TRPC3: variants seen among roughly 807,000 people sequenced by gnomAD.
TRPC3 encodes short transient receptor potential channel 3.
In TRPC3, 54 loss-of-function variants were observed where a neutral mutation model predicts 90.9. The observed-to-expected ratio is 0.59, with a 90% CI of 0.48 to 0.75. TRPC3 has a LOEUF of 0.75. TRPC3 is among the 30% of genes least tolerant of loss of function. TRPC3 has a pLI of 0.00. For missense variants in TRPC3, 918 were observed against 1,194.5 expected, an observed-to-expected ratio of 0.77 and a Z score of 3.41; for synonymous variants, 424 against 450.9, an observed-to-expected ratio of 0.94 and a Z score of 0.75.
intron 7 of TRPC3, among the ~76,000 whole-genome samples, chr4:121,905,456 C>A (rs1390264554): frequency 6.6e-6 from 1 of 152,104 alleles, no homozygotes; most frequent in Admixed American, 6.6e-5. Flanking sequence ...ATTCTTCCAC[C>A]ACAACAATTA....
intron 1 of TRPC3, among the ~76,000 whole-genome samples, chr4:121,938,019 T>TA (rs539296935): frequency 1.3e-3 from 181 of 141,874 alleles, no homozygotes; most frequent in East Asian, 2.0e-3. Flanking sequence ...TGAATTTATT[T>TA]AAAAAAAAAA....
chr4:121,916,340 C>T (rs2149129252), intron 3 of TRPC3, among the ~76,000 whole-genome samples: 1 of 152,310 alleles, frequency 6.6e-6, no homozygotes, highest in African/African-American at 2.4e-5. Context: ...AGTGTAAAGT[C>T]CACTGATGGC....
chr4:121,921,475 T>C (rs1729504658), intron 3 of TRPC3, among the ~76,000 whole-genome samples: 1 of 129,548 alleles, frequency 7.7e-6, no homozygotes, highest in Non-Finnish European at 1.5e-5. Context: ...TGAGCCGAGA[T>C]CGCGCCACTG....
Position 121,932,533 on chromosome 4 carries a change from T to C in TRPC3, c.725A>G (p.His242Arg). The change falls in exon 2 of 12, where the codon CAC becomes CGC. Residue 242 changes from histidine (H) to arginine (R), a missense_variant. His to Arg is a conservative substitution (Grantham distance 29, BLOSUM62 0). This residue lies in a region of TRPC3 where 609 missense variants were observed against 725.9 expected (regional missense o/e 0.84). Coordinates refer to ENST00000379645, the MANE Select transcript of TRPC3 (RefSeq NM_001130698.2). This position sits in a 1 kb window ranked among gnomAD's most constrained non-coding sequence, Gnocchi z 7.7. Reference protein sequence around the residue: ...PDITPIILAAHCQKYEVVHML... With the variant: ...PDITPIILAARCQKYEVVHML... ...GTGCACCACTTCGTATTTCTGGCAG[T>C]GCGCCGCCAGGATGATGGGGGTGAT... 1 of 1,614,194 alleles carries C rather than the reference T, an allele frequency of 6.2e-7. No homozygotes were observed. Among genetic ancestry groups the C allele is most frequent in the Middle Eastern group, 1.6e-4 (1 of 6,062 alleles).
rs1427644386 is a variant in TRPC3, at chr4:121,877,069, C to T, written c.*2667G>A. The stretch of plus-strand genomic sequence containing the variant: ...TTGAGGTTTGTTTTCCCAAAGGTAC[C>T]TGTTAAAAGTGACTAGGGAAAAGAC... On this transcript the variant is annotated 3_prime_UTR_variant, in exon 12 of 12. Transcript: ENST00000379645. 1.3e-5 allele frequency among the ~76,000 whole-genome samples: 2 copies of T among 152,070 alleles called. No homozygotes were observed. The highest frequency in any genetic ancestry group is 2.9e-5 in the Non-Finnish European group (2 of 67,992).
At chr4:121,931,343 T>C (rs1420795885) in intron 2 of TRPC3, among the ~76,000 whole-genome samples, 1 of 152,158 alleles carries the variant, frequency 6.6e-6, no homozygotes, top group Non-Finnish European at 1.5e-5. Flanking sequence ...TCTTTTTAGA[T>C]GGGAAATGGG....
At chr4:121,890,876 A>G (rs1415360691) in intron 10 of TRPC3, among the ~76,000 whole-genome samples, 1 of 152,112 alleles carries the variant, frequency 6.6e-6, no homozygotes, top group East Asian at 1.9e-4. Context: ...CTGTAGTCCC[A>G]GCTACTTGGG....
chr4:121,949,008 C>T (rs1730592002), intron 1 of TRPC3, among the ~76,000 whole-genome samples: 1 of 152,140 alleles, frequency 6.6e-6, no homozygotes, highest in African/African-American at 2.4e-5. Flanking sequence ...ATCTTTGTGG[C>T]TTGCAGTACC....
At chr4:121,947,183 CAA>C (rs11457162) in intron 1 of TRPC3, among the ~76,000 whole-genome samples, 6 of 92,026 alleles carry the variant, frequency 6.5e-5, no homozygotes, top group Admixed American at 5.0e-4. Context: ...GACTCTGTCT[CAA>C]AAAAAAAAAA....
At chr4:121,923,978 A>ATTG (rs1729616246) in intron 3 of TRPC3, among the ~76,000 whole-genome samples, 1 of 140,828 alleles carries the variant, frequency 7.1e-6, no homozygotes, top group African/African-American at 3.3e-5. Flanking sequence ...ATTGTGAAAC[A>ATTG]TAACTACAAT....
At chr4:121,921,465 T>A (rs1578636586) in intron 3 of TRPC3, among the ~76,000 whole-genome samples, 1 of 131,282 alleles carries the variant, frequency 7.6e-6, no homozygotes. Flanking sequence ...GAGCTTGCAG[T>A]GAGCCGAGAT....
intron 1 of TRPC3, among the ~76,000 whole-genome samples, chr4:121,942,503 A>C (rs1730353850): frequency 1.3e-5 from 2 of 152,236 alleles, no homozygotes; most frequent in African/African-American, 2.4e-5. Context: ...TGGGAGTTGG[A>C]AGTTGCAGTG....
chr4:121,920,519 A>G lies in TRPC3; in HGVS notation c.1176+4499T>C, dbSNP rs117055963. ...AGCCTGGGAGACAGAGTGAGACTCCATTTCAAAAAAAAGAAAAAAAAACAG... is the reference window on the plus strand; with the variant it reads ...AGCCTGGGAGACAGAGTGAGACTCCGTTTCAAAAAAAAGAAAAAAAAACAG... On this transcript the variant is annotated intron_variant, in intron 3 of 11. Coordinates refer to ENST00000379645, the MANE Select transcript of TRPC3 (RefSeq NM_001130698.2). Among the ~76,000 whole-genome samples, 32 of 152,132 alleles carry G rather than the reference A, an allele frequency of 2.1e-4. 1 individual carries two copies. The South Asian group carries it at 2.3e-3, about 11-fold the overall frequency.
At chr4:121,918,708 C>T (rs187548276) in intron 3 of TRPC3, among the ~76,000 whole-genome samples, 188 of 152,236 alleles carry the variant, frequency 1.2e-3, no homozygotes, top group African/African-American at 4.3e-3. Flanking sequence ...TAATTATACA[C>T]GACTTCATGG....
chr4:121,883,193 G>C (rs1309300337), intron 10 of TRPC3, among the ~76,000 whole-genome samples: 1 of 151,870 alleles, frequency 6.6e-6, no homozygotes, highest in Non-Finnish European at 1.5e-5. Context: ...TTAAAAGAAC[G>C]TATTATATAA....
intron 1 of TRPC3, among the ~76,000 whole-genome samples, chr4:121,935,316 G>A (rs1304686852): frequency 6.6e-6 from 1 of 152,062 alleles, no homozygotes; most frequent in African/African-American, 2.4e-5. Flanking sequence ...TGGCTGTTAT[G>A]AGTAGGGTAT....
At chr4:121,881,894 A>C (rs1727955625) in intron 11 of TRPC3, among the ~76,000 whole-genome samples, 1 of 152,156 alleles carries the variant, frequency 6.6e-6, no homozygotes, top group African/African-American at 2.4e-5. Flanking sequence ...TGAAATTCAA[A>C]AGAGACGCAC....
At chr4:121,926,414 T>G (rs962829583) in intron 2 of TRPC3, among the ~76,000 whole-genome samples, 3 of 148,496 alleles carry the variant, frequency 2.0e-5, no homozygotes, top group African/African-American at 7.4e-5. Context: ...TTGTTTTCTT[T>G]TTTTTTTTTT....
intron 10 of TRPC3, among the ~76,000 whole-genome samples, chr4:121,884,552 C>A (rs576949322): frequency 5.9e-5 from 9 of 151,974 alleles, no homozygotes; most frequent in Non-Finnish European, 1.2e-4. Flanking sequence ...GCAGACATAG[C>A]GAGAGTAGAA....
Sources: gnomAD v4.1 joint callset for allele counts (sites outside exome capture counted in the v4.1 genomes callset) on GRCh38, gnomAD v4.1.1 for gene constraint, gnomAD v4.1.1 regional missense constraint, Gnocchi (gnomAD v3.1) non-coding constraint, MANE v1.5 for transcripts, NCBI Gene and HGNC (gene_info 2026-07-23, HGNC 2026-07-21) for gene names.